Variants in AGAP6 observed in about 807,000 individuals in gnomAD.
The protein encoded by AGAP6 is arf-GAP with GTPase, ANK repeat and PH domain-containing protein 6.
A neutral mutation model predicts 63.9 loss-of-function variants in AGAP6; 29 were observed. That is an observed-to-expected ratio of 0.45 (90% confidence interval 0.34 to 0.62). AGAP6 has a LOEUF of 0.62. Ranked by LOEUF, AGAP6 falls within the 20% of genes least tolerant of loss-of-function variation. AGAP6 has a pLI of 0.01. For missense variants in AGAP6, 493 were observed against 884.9 expected, an observed-to-expected ratio of 0.56 and a Z score of 5.62; for synonymous variants, 199 against 332.9, an observed-to-expected ratio of 0.60 and a Z score of 4.38.
In AGAP6 at chr10:50,001,396, A is replaced by T. The variant is rs1841689831; in HGVS notation, c.397-600A>T. ...GCTGCTTTTTATTGCTGCAGAAAAA[A>T]AATGAAATCTTATTTTAAACTTTTC... On this transcript the variant is annotated intron_variant, in intron 4 of 7. Coordinates refer to ENST00000412531, the MANE Select transcript of AGAP6 (RefSeq NM_001077665.3). Among the ~76,000 whole-genome samples the T allele has an allele frequency of 2.2e-5, 3 of 133,994 alleles. No homozygotes were observed. The South Asian group carries it at 7.9e-4, about 35-fold the overall frequency. The allele number at this position is 133,994 out of a possible 152,430, so 87.9% of individuals were successfully genotyped here. A position where few individuals can be genotyped will look rare whatever the true frequency, so the allele number is the denominator to read the frequency against.
In AGAP6 at chr10:50,002,070, G is replaced by A. The variant is rs1841734564; in HGVS notation, c.471G>A (p.Gln157=). 1 of 1,610,590 alleles carries A rather than the reference G, an allele frequency of 6.2e-7. No individual in the cohort carries two copies. Among genetic ancestry groups the A allele is most frequent in the Non-Finnish European group, 8.5e-7 (1 of 1,179,736 alleles). The change falls in exon 5 of 8, where the codon CAG becomes CAA. Residue 157 remains glutamine, a synonymous_variant. Coordinates refer to ENST00000412531, the MANE Select transcript of AGAP6 (RefSeq NM_001077665.3). ...TIFLDDSTAI[Q]HYLTMTIISV... Reference sequence around the variant, plus strand: ...TCCTTGATGACAGCACAGCCATCCAGCATTATCTTACAATGACAATAATAT... The same window carrying A: ...TCCTTGATGACAGCACAGCCATCCAACATTATCTTACAATGACAATAATAT...
chr10:49,990,158 G>C (rs1470836915), intron 2 of AGAP6, among the ~76,000 whole-genome samples: 4 of 152,176 alleles, frequency 2.6e-5, no homozygotes, highest in African/African-American at 9.7e-5. Context: ...TACAGTTTTG[G>C]CTGGGCTTGG....
intron 3 of AGAP6, among the ~76,000 whole-genome samples, chr10:49,992,078 C>T (rs1554861145): frequency 6.6e-6 from 1 of 151,048 alleles, no homozygotes; most frequent in Admixed American, 6.6e-5. Context: ...TTTTCCCTTG[C>T]TCCAAAAAGT....
Position 50,009,137 on chromosome 10 carries a change from A to C in AGAP6, c.1012A>C (p.Ile338Leu), listed in dbSNP as rs542053546. ...KKEIDLQTST[I>L]KVPGKWPSLA... ...AGAGATTGACCTTCAGACATCTACC[A>C]TCAAAGTCCCAGGAAAGTGGCCATC... Residue 338 changes from isoleucine (I) to leucine (L), a missense_variant, in exon 8 of 8, where the codon ATC becomes CTC. By Grantham distance (5) the Ile-to-Leu change is conservative (BLOSUM62 2). Transcript: ENST00000412531. The C allele has an allele frequency of 1.5e-4, 242 of 1,614,124 alleles. No homozygotes were observed. In the African/African-American group the frequency reaches 2.8e-3, roughly 19 times the overall value.
chr10:49,996,080 A>C (rs1476815877), intron 4 of AGAP6, among the ~76,000 whole-genome samples: 8 of 152,046 alleles, frequency 5.3e-5, no homozygotes, highest in Non-Finnish European at 8.8e-5. Context: ...TAGTCTTGTT[A>C]TTCAGATGCT....
Position 49,991,923 on chromosome 10 carries a change from G to A in AGAP6, c.361+179G>A, listed in dbSNP as rs574263902. Among the ~76,000 whole-genome samples the A allele has an allele frequency of 3.3e-5, 5 of 152,054 alleles. No individual in the cohort carries two copies. The East Asian group carries it at 5.8e-4, about 18-fold the overall frequency. ...TAGTTGTTATGATGTTAGTGAAAAC[G>A]TGTAACCTTTTTGTTTATACATTTT... is the stretch of plus-strand genomic sequence containing the variant. On this transcript the variant is annotated intron_variant, in intron 3 of 7. Transcript: ENST00000412531.
chr10:49,997,984 A>T (rs4043251), intron 4 of AGAP6, among the ~76,000 whole-genome samples: 13 of 88,030 alleles, frequency 1.5e-4, no homozygotes, highest in Admixed American at 2.0e-4. Flanking sequence ...GCTGAGGTGG[A>T]ATTCCTCATA....
chr10:50,001,421 C>T (rs1357932349), intron 4 of AGAP6, among the ~76,000 whole-genome samples: 5 of 86,284 alleles, frequency 5.8e-5, no homozygotes, highest in Non-Finnish European at 9.3e-5. Flanking sequence ...TTAAACTTTT[C>T]TTTTTTTTTT....
At chr10:50,001,336 A>G in intron 4 of AGAP6, among the ~76,000 whole-genome samples, 1 of 148,922 alleles carries the variant, frequency 6.7e-6, no homozygotes. Flanking sequence ...TCTCAAAAAT[A>G]AATAAATTAA....
chr10:50,006,812 G>C (rs1310512853), intron 6 of AGAP6, among the ~76,000 whole-genome samples: 1 of 151,732 alleles, frequency 6.6e-6, no homozygotes, highest in East Asian at 1.9e-4. Context: ...CAGAATATTA[G>C]AGACATGTCA....
intron 3 of AGAP6, 41 bp from the exon 4 acceptor site, chr10:49,994,354 A>G (rs781934109): frequency 2.1e-5 from 31 of 1,507,812 alleles, no homozygotes; most frequent in East Asian, 7.0e-5. Flanking sequence ...ATTTTATGGT[A>G]TTTGTATCAG....
rs1308127542 is a variant in AGAP6 at position 49,993,175 on chromosome 10, C to G, written c.362-1220C>G. 2.6e-5 allele frequency among the ~76,000 whole-genome samples: 4 copies of G among 152,224 alleles called. No homozygotes were observed. The South Asian group carries it at 8.3e-4, about 31-fold the overall frequency. Reference sequence around the variant, plus strand: ...TTACCCAAACACCTCCCACTAGGCCCTATCTCCAACATTAAGGGTCACATG... The same window carrying G: ...TTACCCAAACACCTCCCACTAGGCCGTATCTCCAACATTAAGGGTCACATG... On this transcript the variant is annotated intron_variant, in intron 3 of 7. Transcript: ENST00000412531.
Position 50,008,930 on chromosome 10 carries a change from C to G in AGAP6, c.805C>G (p.Pro269Ala), listed in dbSNP as rs1336205142. ...GSDPDKERKAPENHADTIGSG... is the reference protein window; with the variant it reads ...GSDPDKERKAAENHADTIGSG... Reference sequence around the variant, plus strand: ...TGACCCAGACAAAGAGAGGAAAGCCCCGGAGAATCATGCTGACACCATCGG... The same window carrying G: ...TGACCCAGACAAAGAGAGGAAAGCCGCGGAGAATCATGCTGACACCATCGG... The change falls in exon 8 of 8, where the codon CCG becomes GCG. Residue 269 changes from proline to alanine, a missense_variant. By Grantham distance (27) the Pro-to-Ala change is conservative. Transcript: ENST00000412531. 1.9e-6 allele frequency: 3 copies of G among 1,613,868 alleles called. No homozygotes were observed. Among genetic ancestry groups the G allele is most frequent in the Non-Finnish European group, 2.5e-6 (3 of 1,179,902 alleles).
At position 50,010,402 on chromosome 10, in the gene AGAP6, C is replaced by T. The variant is rs1448897123; in HGVS notation, c.*216C>T. 5 of 990,152 alleles carry T rather than the reference C, an allele frequency of 5.0e-6. No individual in the cohort carries two copies. The African/African-American group carries it at 7.8e-5, about 16-fold the overall frequency. The allele number at this position is 990,152 out of a possible 1,614,324, so 61.3% of individuals were successfully genotyped here. A position where few individuals can be genotyped will look rare whatever the true frequency, so the allele number is the denominator to read the frequency against. On this transcript the variant is annotated 3_prime_UTR_variant, in exon 8 of 8. Coordinates refer to ENST00000412531, the MANE Select transcript of AGAP6 (RefSeq NM_001077665.3). ...GGTGGATTTGTTAGTCTCAGGCCCTCCTGGCCACATTGCCCAAGTCACACA... is the reference window on the plus strand; with the variant it reads ...GGTGGATTTGTTAGTCTCAGGCCCTTCTGGCCACATTGCCCAAGTCACACA...
intron 6 of AGAP6, among the ~76,000 whole-genome samples, chr10:50,006,549 A>G (rs1433119580): frequency 4.6e-5 from 7 of 152,090 alleles, no homozygotes; most frequent in Non-Finnish European, 8.8e-5. Flanking sequence ...TAATTTTCTT[A>G]TATGTTTGAC....
At chr10:49,989,506 TC>T in intron 2 of AGAP6, 130 bp downstream of exon 2, 1 of 1,447,098 alleles carries the variant, frequency 6.9e-7, no homozygotes, top group South Asian at 1.3e-5. Flanking sequence ...TCTTATTTTT[TC>T]TTTGTACCTA....
chr10:49,989,013 A>C (rs1163602225), intron 1 of AGAP6, 75 bp downstream of exon 1: 5 of 1,598,092 alleles, frequency 3.1e-6, no homozygotes, highest in Admixed American at 3.3e-5. Flanking sequence ...CCTTTGAGGC[A>C]TCCCACACTT....
chr10:50,009,894 A>C lies in AGAP6; in HGVS notation c.1769A>C (p.Gln590Pro). Residue 590 changes from glutamine to proline, a missense_variant, in exon 8 of 8, where the codon CAG becomes CCG. Gln to Pro is a moderately conservative substitution (Grantham distance 76). Coordinates refer to ENST00000412531, the MANE Select transcript of AGAP6 (RefSeq NM_001077665.3). The stretch of plus-strand genomic sequence containing the variant: ...TGCACTGAGCTGTCCCTGGGCCAGC[A>C]GCTGCTGCGGGCCACCGCTGATGAG... ...LPCTELSLGQQLLRATADEDL... is the reference protein window; with the variant it reads ...LPCTELSLGQPLLRATADEDL... 1.2e-6 allele frequency: 2 copies of C among 1,611,712 alleles called. No homozygotes were observed. Among genetic ancestry groups the C allele is most frequent in the Non-Finnish European group, 1.7e-6 (2 of 1,179,850 alleles).
intron 4 of AGAP6, among the ~76,000 whole-genome samples, chr10:50,000,087 G>A (rs1423689401): frequency 2.0e-5 from 2 of 99,160 alleles, no homozygotes; most frequent in East Asian, 8.5e-4. Flanking sequence ...TACTAGGTAC[G>A]ATTATTTTCT....
Sources: gnomAD v4.1 joint callset for allele counts (sites outside exome capture counted in the v4.1 genomes callset) on GRCh38, gnomAD v4.1.1 for gene constraint, MANE v1.5 for transcripts, NCBI Gene and HGNC (gene_info 2026-07-23, HGNC 2026-07-21) for gene names.